Variants in PLXNB2 observed in about 807,000 individuals in gnomAD.
The protein encoded by PLXNB2 is plexin-B2.
In PLXNB2, 85 loss-of-function variants were observed where a neutral mutation model predicts 202.6. The observed-to-expected ratio is 0.42, with a 90% CI of 0.35 to 0.50. PLXNB2 has a LOEUF of 0.50. Among genes scored for constraint, PLXNB2 ranks in the 20% least tolerant of loss-of-function variants. The pLI, the probability that PLXNB2 is intolerant of heterozygous loss-of-function variation, is 0.02. For missense variants in PLXNB2, 2,063 were observed against 2,586.2 expected (o/e 0.80, Z 4.39); for synonymous variants, 1,239 against 1,137.6 (o/e 1.09, Z -1.79).
At chr22:50,304,723 C>T (rs563427538) in intron 1 of PLXNB2, among the ~76,000 whole-genome samples, 124 of 152,098 alleles carry the variant, frequency 8.2e-4, no homozygotes, top group South Asian at 6.8e-3. Flanking sequence ...CCCACCCCAC[C>T]CACAGCCCCA....
chr22:50,284,643 C>T lies in PLXNB2; in HGVS notation c.2111G>A (p.Ser704Asn), dbSNP rs2066285665. 2 of 1,612,736 alleles carry T rather than the reference C, an allele frequency of 1.2e-6. No individual in the cohort carries two copies. The highest frequency in any genetic ancestry group is 1.7e-6 in the Non-Finnish European group (2 of 1,179,668). ...CGGCTCCATGAACTTGAGCAAGTCACTGCCCACGTGCAGGGAGGAACCCTG... is the reference window on the plus strand; with the variant it reads ...CGGCTCCATGAACTTGAGCAAGTCATTGCCCACGTGCAGGGAGGAACCCTG... ...TVKGSSLHVG[S>N]DLLKFMEPVT... The change falls in exon 12 of 37, where the codon AGT (serine) becomes AAT (asparagine). Residue 704 changes from serine to asparagine, a missense_variant. Transcript: ENST00000359337. The surrounding 1 kb of genome is among the most constrained non-coding windows in gnomAD (Gnocchi z 8.0).
rs907481848 is a variant in PLXNB2 at position 50,290,555 on chromosome 22, C to G, written c.30G>C (p.Leu10=). The change falls in exon 3 of 37, where the codon CTG becomes CTC. Residue 10 remains leucine, a synonymous_variant. Transcript: ENST00000359337. ...TGGCACCTGCGCCCAGCAGGCCCAGCAGGGTCAGGGCCCAGAGCTGCAGTG... is the reference window on the plus strand; with the variant it reads ...TGGCACCTGCGCCCAGCAGGCCCAGGAGGGTCAGGGCCCAGAGCTGCAGTG... MALQLWALT[L]LGLLGAGASL... is the part of the protein sequence containing the mutation. 5 of 1,610,674 alleles carry G rather than the reference C, an allele frequency of 3.1e-6. No homozygotes were observed. The highest frequency in any genetic ancestry group is 4.2e-6 in the Non-Finnish European group (5 of 1,179,596).
In PLXNB2 at chr22:50,307,567, C is replaced by T; in HGVS notation, c.-88G>A. On this transcript the variant is annotated 5_prime_UTR_variant, in exon 1 of 37. Coordinates refer to ENST00000359337, the MANE Select transcript of PLXNB2 (RefSeq NM_012401.4). ...GAGCTCGGTACCTGCACGTCCGCCGCCAAGGCTCGATGGCGCCCGGGCCGC... is the reference window on the plus strand; with the variant it reads ...GAGCTCGGTACCTGCACGTCCGCCGTCAAGGCTCGATGGCGCCCGGGCCGC... The T allele has an allele frequency of 1.0e-6, 1 of 982,018 alleles. No individual in the cohort carries two copies. Among genetic ancestry groups the T allele is most frequent in the East Asian group, 1.2e-4 (1 of 8,538 alleles). The allele number at this position is 982,018 out of a possible 1,614,324, so 60.8% of individuals were successfully genotyped here.
chr22:50,304,991 C>T (rs906916510), intron 1 of PLXNB2, among the ~76,000 whole-genome samples: 7 of 152,204 alleles, frequency 4.6e-5, no homozygotes, highest in East Asian at 3.8e-4. Flanking sequence ...GCCAGAGGGA[C>T]GGAGGCATGA....
rs916586578 is a variant in PLXNB2, at chr22:50,288,138, C to T, written c.1381-101G>A. 31 of 855,318 alleles carry T rather than the reference C, an allele frequency of 3.6e-5. No individual in the cohort carries two copies. In the African/African-American group the frequency reaches 3.9e-4, roughly 11 times the overall value. 53.0% of individuals were successfully genotyped at this position (855,318 alleles called of 1,614,324 possible). ...CCGCCAGCTTGACCCAGCTCTGTCC[C>T]GGGGCCTCGGGAGCCTCAGACACCT... is the stretch of plus-strand genomic sequence containing the variant. On this transcript the variant is annotated intron_variant, in intron 5 of 36. Transcript: ENST00000359337. This position sits in a 1 kb window ranked among gnomAD's most constrained non-coding sequence, Gnocchi z 5.0.
chr22:50,280,431 C>T, intron 25 of PLXNB2, 58 bp downstream of exon 25: 1 of 1,507,812 alleles, frequency 6.6e-7, no homozygotes, highest in Non-Finnish European at 8.9e-7. Flanking sequence ...GCCACCAGCC[C>T]CAGAGCCCCT....
intron 35 of PLXNB2, among the ~76,000 whole-genome samples, 195 bp downstream of exon 35, chr22:50,276,434 T>TGTGGGCACGG (rs1356186243): frequency 1.3e-4 from 1 of 7,518 alleles, no homozygotes; most frequent in African/African-American, 3.6e-4. Context: ...AGGGCCTGGC[T>TGTGGGCACGG]CCAAGCAGGA....
rs764530266 is a variant in PLXNB2 at position 50,280,942 on chromosome 22, G to A, written c.3795C>T (p.Asn1265=). 1.6e-5 allele frequency: 26 copies of A among 1,613,222 alleles called. No homozygotes were observed. The highest frequency in any genetic ancestry group is 1.9e-5 in the Non-Finnish European group (23 of 1,179,954). The part of the protein sequence containing the change: ...DLMIEMEDQT[N]DVHEAGIPVL... ...CGGGGATGCCGGCCTCGTGCACGTC[G>A]TTGGTCTGGTCCTCCATCTCGATCA... Residue 1265 remains asparagine (N), a synonymous_variant, in exon 24 of 37, where the codon AAC becomes AAT. Transcript: ENST00000359337.
intron 22 of PLXNB2, 50 bp from the exon 23 acceptor site, chr22:50,281,239 C>A (rs2065963615): frequency 6.4e-7 from 1 of 1,565,600 alleles, no homozygotes; most frequent in African/African-American, 1.4e-5. Flanking sequence ...GGCCGCTCAG[C>A]TGCCCGGATG....
At chr22:50,282,918 C>T (rs775490395) in intron 17 of PLXNB2, 37 bp from the exon 18 acceptor site, 58 of 1,574,092 alleles carry the variant, frequency 3.7e-5, no homozygotes, top group Non-Finnish European at 4.9e-5. Flanking sequence ...ATCAACCCCT[C>T]CCCCGGGACC....
rs569501627 is a variant in PLXNB2, at chr22:50,296,786, G to A, written c.-73-2008C>T. On this transcript the variant is annotated intron_variant, in intron 1 of 36. Coordinates refer to ENST00000359337, the MANE Select transcript of PLXNB2 (RefSeq NM_012401.4). ...GTGTGCCAGCAAAGCACCTCCTCCC[G>A]CAGGGCCAGGCCCCACTCTCCTCCC... 8.6e-5 allele frequency among the ~76,000 whole-genome samples: 13 copies of A among 152,044 alleles called. No homozygotes were observed. The East Asian group carries it at 1.4e-3, about 16-fold the overall frequency.
Position 50,288,409 on chromosome 22 carries a change from C to T in PLXNB2, c.1380+334G>A, listed in dbSNP as rs956784152. Among the ~76,000 whole-genome samples the T allele has an allele frequency of 6.6e-6, 1 of 152,152 alleles. No individual in the cohort carries two copies. The highest frequency in any genetic ancestry group is 6.5e-5 in the Admixed American group (1 of 15,280). On this transcript the variant is annotated intron_variant, in intron 5 of 36. Transcript: ENST00000359337. This position sits in a 1 kb window ranked among gnomAD's most constrained non-coding sequence, Gnocchi z 5.0. ...TGAGCTCACATGGGCTGTGCAGGGA[C>T]CCCGTCTTCCCATCCACCCTCAGCA...
At chr22:50,302,649 C>A (rs2067751086) in intron 1 of PLXNB2, among the ~76,000 whole-genome samples, 1 of 152,200 alleles carries the variant, frequency 6.6e-6, no homozygotes, top group Non-Finnish European at 1.5e-5. Flanking sequence ...AGGCTCGGTG[C>A]CAACATAGGA....
intron 1 of PLXNB2, among the ~76,000 whole-genome samples, chr22:50,296,774 G>C (rs111637607): frequency 6.6e-6 from 1 of 152,110 alleles, no homozygotes; most frequent in Non-Finnish European, 1.5e-5. Context: ...TGCCAGCAAA[G>C]CACCTCCTCC....
intron 1 of PLXNB2, among the ~76,000 whole-genome samples, chr22:50,300,619 C>A (rs1449946679): frequency 6.6e-6 from 1 of 152,226 alleles, no homozygotes; most frequent in African/African-American, 2.4e-5. Context: ...GCGTCTACAG[C>A]GGTCCCCGCT....
rs1485689323 is a variant in PLXNB2, at chr22:50,287,095, C to G, written c.1762+16G>C. On this transcript the variant is annotated intron_variant, in intron 8 of 36. Transcript: ENST00000359337. Reference sequence around the variant, plus strand: ...GACCGAGAAGGGCCACCCGGGGGCTCGGGAAGGGGCCTCACCCTGGCCTGG... The same window carrying G: ...GACCGAGAAGGGCCACCCGGGGGCTGGGGAAGGGGCCTCACCCTGGCCTGG... 2.0e-6 allele frequency: 3 copies of G among 1,487,890 alleles called. No individual in the cohort carries two copies. The highest frequency in any genetic ancestry group is 2.7e-6 in the Non-Finnish European group (3 of 1,115,290). 92.2% of individuals were successfully genotyped at this position (1,487,890 alleles called of 1,614,324 possible).
intron 1 of PLXNB2, among the ~76,000 whole-genome samples, chr22:50,304,261 G>C (rs1232296807): frequency 2.0e-5 from 3 of 152,226 alleles, no homozygotes; most frequent in Non-Finnish European, 4.4e-5. Context: ...CACTGGGCCT[G>C]GGGCCAGTCA....
chr22:50,288,971 G>A lies in PLXNB2; in HGVS notation c.1240C>T (p.Arg414Trp), dbSNP rs757294277. 11 of 1,608,240 alleles carry A rather than the reference G, an allele frequency of 6.8e-6. No individual in the cohort carries two copies. The highest frequency in any genetic ancestry group is 2.2e-5 in the South Asian group (2 of 90,964). Residue 414 changes from arginine (R) to tryptophan (W), a missense_variant, in exon 4 of 37, where the codon CGG (arginine) becomes TGG (tryptophan). By Grantham distance (101) the Arg-to-Trp change is moderately radical (BLOSUM62 -3). Coordinates refer to ENST00000359337, the MANE Select transcript of PLXNB2 (RefSeq NM_012401.4). This position sits in a 1 kb window ranked among gnomAD's most constrained non-coding sequence, Gnocchi z 5.0. ...TVAFLGTSDG[R>W]ILKVYLTPDG... ...AGCCTGGGCCAAACCTTGAGGATCC[G>A]GCCATCAGAGGTGCCCAGAAAAGCA...
chr22:50,280,164 C>T, intron 25 of PLXNB2, 93 bp from the exon 26 acceptor site: 1 of 1,047,058 alleles, frequency 9.6e-7, no homozygotes, highest in Non-Finnish European at 1.4e-6. Flanking sequence ...CTTGCGCCAG[C>T]CTCGCCCCTG....
Sources: gnomAD v4.1 joint callset for allele counts (sites outside exome capture counted in the v4.1 genomes callset) on GRCh38, gnomAD v4.1.1 for gene constraint, Gnocchi (gnomAD v3.1) non-coding constraint, MANE v1.5 for transcripts, NCBI Gene and HGNC (gene_info 2026-07-23, HGNC 2026-07-21) for gene names.